Variants in PHF24 observed in about 807,000 individuals in gnomAD.
The protein encoded by PHF24 is PHD finger protein 24, also known as Galpha inhibitory interacting protein.
Under a neutral mutation model 42.6 loss-of-function variants are expected in PHF24, and 25 were observed. That is an observed-to-expected ratio of 0.59 (90% CI 0.43 to 0.82). PHF24 has a LOEUF of 0.82. PHF24 is among the 40% of genes least tolerant of loss of function. The pLI, the probability that PHF24 is intolerant of heterozygous loss-of-function variation, is 0.00. For synonymous variants in PHF24, 185 were observed against 204.8 expected (o/e 0.90, Z 0.83); for missense variants, 470 against 538.1 (o/e 0.87, Z 1.25).
At chr9:34,709,910 A>T in the PHF24 span, 3 of 1,614,124 alleles carry the variant, frequency 1.9e-6, no homozygotes, top group Non-Finnish European at 2.5e-6. Context: ...GCAGGGTGGG[A>T]TTCACAGGGA....
the PHF24 span, among the ~76,000 whole-genome samples, chr9:34,805,243 T>C: frequency 7.9e-5 from 12 of 152,230 alleles, no homozygotes; most frequent in Non-Finnish European, 1.3e-4. Context: ...AATTGCTGGG[T>C]CATATGGCAA....
chr9:34,742,484 AAAG>A, the PHF24 span, among the ~76,000 whole-genome samples: 1 of 152,206 alleles, frequency 6.6e-6, no homozygotes, highest in African/African-American at 2.4e-5. Context: ...GCCCCCCAAC[AAAG>A]AACTGTGCCT....
At chr9:34,939,510 C>G in the PHF24 span, among the ~76,000 whole-genome samples, 1 of 152,204 alleles carries the variant, frequency 6.6e-6, no homozygotes, top group Middle Eastern at 3.4e-3. Context: ...ATAGGTCAGG[C>G]CTTAGGGTGC....
chr9:34,690,346 G>A, the PHF24 span: 14 of 1,613,440 alleles, frequency 8.7e-6, no homozygotes, highest in East Asian at 2.9e-4. Context: ...GTTGGGGCTG[G>A]GATGGGGAAA....
At chr9:34,835,923 T>A in the PHF24 span, 2 of 780,398 alleles carry the variant, frequency 2.6e-6, no homozygotes, top group Non-Finnish European at 4.5e-6. Flanking sequence ...TCGACAAAGT[T>A]GGGGAGATCT....
At chr9:34,821,961 T>C in the PHF24 span, among the ~76,000 whole-genome samples, 28 of 152,342 alleles carry the variant, frequency 1.8e-4, no homozygotes, top group Non-Finnish European at 3.8e-4. Flanking sequence ...AAATATCTCC[T>C]AGTGGTTATG....
At chr9:34,973,043 A>T (rs1827060487) in intron 3 of PHF24, among the ~76,000 whole-genome samples, 1 of 151,816 alleles carries the variant, frequency 6.6e-6, no homozygotes, top group Admixed American at 6.6e-5. Flanking sequence ...GCATTGTAGG[A>T]TGTTTAGCGG....
chr9:34,801,923 G>A, the PHF24 span, among the ~76,000 whole-genome samples: 48,041 of 148,270 alleles, frequency 0.32, 8,299 homozygotes, highest in East Asian at 0.57. Flanking sequence ...TGGGGGGCAA[G>A]GGGAGGGAGA....
the PHF24 span, chr9:34,894,593 A>G: frequency 1.0e-5 from 4 of 398,050 alleles, no homozygotes; most frequent in African/African-American, 6.2e-5. Flanking sequence ...ATGAGAAGAT[A>G]CTGAAAACCC....
the PHF24 span, among the ~76,000 whole-genome samples, chr9:34,800,596 G>A: frequency 2.0e-5 from 3 of 152,086 alleles, no homozygotes; most frequent in African/African-American, 4.8e-5. Context: ...AAACGGTGCC[G>A]GGAAAACTGG....
the PHF24 span, among the ~76,000 whole-genome samples, chr9:34,803,531 C>A: frequency 6.6e-6 from 1 of 152,180 alleles, no homozygotes; most frequent in East Asian, 1.9e-4. Context: ...TAAGAGGGGA[C>A]CAGGATCTGT....
chr9:34,942,857 G>T, the PHF24 span, among the ~76,000 whole-genome samples: 5 of 150,988 alleles, frequency 3.3e-5, no homozygotes, highest in Non-Finnish European at 5.9e-5. Context: ...CATGGGATGG[G>T]GGGCAGGGGG....
At chr9:34,892,311 A>G in the PHF24 span, among the ~76,000 whole-genome samples, 5 of 152,230 alleles carry the variant, frequency 3.3e-5, no homozygotes, top group Non-Finnish European at 7.3e-5. Context: ...CTAGCCTCCC[A>G]TGAAACCCAG....
At chr9:34,709,072 G>C in the PHF24 span, 1 of 444,822 alleles carries the variant, frequency 2.2e-6, no homozygotes, top group Non-Finnish European at 4.0e-6. Context: ...GAAGAGGTGG[G>C]GTGTACTGGG....
the PHF24 span, among the ~76,000 whole-genome samples, chr9:34,912,811 A>C: frequency 6.6e-6 from 1 of 152,238 alleles, no homozygotes; most frequent in African/African-American, 2.4e-5. Flanking sequence ...GATTCAACCT[A>C]TTAAGAATTA....
the PHF24 span, chr9:34,922,121 A>G: frequency 1.5e-6 from 2 of 1,353,828 alleles, no homozygotes; most frequent in Non-Finnish European, 2.1e-6. Context: ...GTGGGACAGC[A>G]TGGATGACAA....
the PHF24 span, among the ~76,000 whole-genome samples, chr9:34,741,937 T>C: frequency 1.3e-5 from 2 of 152,174 alleles, no homozygotes; most frequent in African/African-American, 4.8e-5. Context: ...TCTCAGGATA[T>C]GTGATTCTCA....
At chr9:34,897,637 A>T in the PHF24 span, among the ~76,000 whole-genome samples, 1 of 152,226 alleles carries the variant, frequency 6.6e-6, no homozygotes, top group Non-Finnish European at 1.5e-5. Context: ...TCTAAAAATG[A>T]TTTGACAAAC....
the PHF24 span, among the ~76,000 whole-genome samples, chr9:34,929,187 A>G: frequency 6.6e-6 from 1 of 152,180 alleles, no homozygotes; most frequent in Non-Finnish European, 1.5e-5. Flanking sequence ...CCCACTGTCA[A>G]TGAAAAGTGC....
Sources: gnomAD v4.1 joint callset for allele counts (sites outside exome capture counted in the v4.1 genomes callset) on GRCh38, gnomAD v4.1.1 for gene constraint, MANE v1.5 for transcripts, NCBI Gene and HGNC (gene_info 2026-07-23, HGNC 2026-07-21) for gene names.